The following MTHFD1 variants were observed in gnomAD, a reference collection of about 807,000 sequenced individuals.
MTHFD1 encodes the protein methylenetetrahydrofolate dehydrogenase, cyclohydrolase and formyltetrahydrofolate synthetase 1, also known as C-1-tetrahydrofolate synthase, cytoplasmic.
MTHFD1 carries 44 observed loss-of-function variants against 110.3 expected under a neutral mutation model. The ratio of observed to expected loss-of-function variants is 0.40; its 90% confidence interval spans 0.31 to 0.51. MTHFD1 has a LOEUF of 0.51. Among genes scored for constraint, MTHFD1 ranks in the 20% least tolerant of loss-of-function variants. MTHFD1 has a pLI of 0.60. For missense variants in MTHFD1, 909 were observed against 1,173.1 expected (o/e 0.77, Z 3.29); for synonymous variants, 402 against 428.8 (o/e 0.94, Z 0.77).
chr14:64,403,987 G>T (rs1418972743), intron 2 of MTHFD1, among the ~76,000 whole-genome samples: 1 of 152,184 alleles, frequency 6.6e-6, no homozygotes, highest in Non-Finnish European at 1.5e-5. Flanking sequence ...CTTGATTTGT[G>T]CTGGTTCACT....
intron 12 of MTHFD1, among the ~76,000 whole-genome samples, chr14:64,429,568 C>T (rs143594482): frequency 3.4e-4 from 52 of 152,162 alleles, no homozygotes; most frequent in African/African-American, 1.1e-3. Context: ...AGTGCTGACA[C>T]GATGCTCAAA....
chr14:64,390,056 T>C (rs925989758), intron 1 of MTHFD1, among the ~76,000 whole-genome samples: 11 of 152,226 alleles, frequency 7.2e-5, no homozygotes, highest in African/African-American at 2.7e-4. Context: ...CTTATTTTTG[T>C]CTATATCCTA....
intron 9 of MTHFD1, among the ~76,000 whole-genome samples, chr14:64,425,428 C>G (rs2078111176): frequency 6.6e-6 from 1 of 152,070 alleles, no homozygotes; most frequent in Admixed American, 6.6e-5. Flanking sequence ...TTAGGCTGGT[C>G]TGGAACTCCC....
At chr14:64,419,766 T>C in intron 7 of MTHFD1, 48 bp from the exon 8 acceptor site, 1 of 1,242,938 alleles carries the variant, frequency 8.0e-7, no homozygotes, top group Non-Finnish European at 1.2e-6. Flanking sequence ...TTTTTTTTGG[T>C]GTGTATTTCA....
intron 22 of MTHFD1, 103 bp from the exon 23 acceptor site, chr14:64,448,114 A>T: frequency 1.2e-6 from 1 of 807,576 alleles, no homozygotes; most frequent in Non-Finnish European, 2.1e-6. Context: ...TTGTCCTGAT[A>T]GTGAGTGGCT....
intron 8 of MTHFD1, among the ~76,000 whole-genome samples, chr14:64,420,280 T>C (rs560079910): frequency 5.8e-4 from 88 of 152,252 alleles, no homozygotes; most frequent in Non-Finnish European, 9.0e-4. Context: ...AGTATAATTA[T>C]TGCAAAGTGC....
At position 64,442,275 on chromosome 14, in the gene MTHFD1, G is replaced by C; in HGVS notation, c.2009G>C (p.Gly670Ala). The part of the protein sequence containing the change: ...GPEGFVVTEA[G>A]FGADIGMEKF... ...TTCCTCTTTACAGTGACGGAAGCAG[G>C]ATTTGGAGCAGACATTGGAATGGAA... is the stretch of plus-strand genomic sequence containing the variant. Residue 670 changes from glycine (G) to alanine (A), a missense_variant, in exon 21 of 28, where the codon GGA becomes GCA. Gly to Ala is a moderately conservative substitution (Grantham distance 60, BLOSUM62 0). Coordinates refer to ENST00000652337, the MANE Select transcript of MTHFD1 (RefSeq NM_005956.4). 1 of 1,614,256 alleles carries C rather than the reference G, an allele frequency of 6.2e-7. No individual in the cohort carries two copies. Among genetic ancestry groups the C allele is most frequent in the Non-Finnish European group, 8.5e-7 (1 of 1,180,046 alleles).
intron 1 of MTHFD1, chr14:64,390,545 G>A (rs11158537): frequency 0.21 from 32,365 of 151,980 alleles, 3,865 homozygotes; most frequent in African/African-American, 0.33. Flanking sequence ...GTACAATGGC[G>A]TGATCTCGGC....
In MTHFD1 at chr14:64,447,149, C is replaced by CTTTTTT. The variant is rs35824559; in HGVS notation, c.2179-1048_2179-1043dup. Among the ~76,000 whole-genome samples, 20 of 56,234 alleles carry CTTTTTT rather than the reference C, an allele frequency of 3.6e-4. 1 individual carries two copies. The highest frequency in any genetic ancestry group is 8.8e-4 in the Admixed American group (3 of 3,414). The allele number at this position is 56,234 out of a possible 152,430, so 36.9% of individuals were successfully genotyped here. A position where few individuals can be genotyped will look rare whatever the true frequency, so the allele number is the denominator to read the frequency against. On this transcript the variant is annotated intron_variant, in intron 22 of 27. Transcript: ENST00000652337. ...GTGAGCTACCACATCCAGCTCAGTT[C>CTTTTTT]TTTTTTTTTTTTTTTTTTTTTTTTT...
At chr14:64,412,697 A>G (rs1483439987) in intron 4 of MTHFD1, among the ~76,000 whole-genome samples, 172 bp downstream of exon 4, 2 of 139,258 alleles carry the variant, frequency 1.4e-5, no homozygotes, top group East Asian at 4.2e-4. Flanking sequence ...GAGAGCAATG[A>G]TGCGATCTCG....
intron 16 of MTHFD1, 140 bp from the exon 17 acceptor site, chr14:64,438,956 A>G (rs2078227275): frequency 7.0e-6 from 5 of 718,438 alleles, no homozygotes; most frequent in South Asian, 6.0e-5. Flanking sequence ...ACTTTAACAC[A>G]TATTCTAGCT....
rs746681217 is a variant in MTHFD1, at chr14:64,441,411, T to A, written c.1842T>A (p.Leu614=). 1 of 1,614,052 alleles carries A rather than the reference T, an allele frequency of 6.2e-7. No individual in the cohort carries two copies. Among genetic ancestry groups the A allele is most frequent in the Non-Finnish European group, 8.5e-7 (1 of 1,179,942 alleles). ...DLGVSGALTV[L]MKDAIKPNLM... is the part of the protein sequence containing the mutation. ...GGGTGAGTGGTGCACTGACAGTGCT[T>A]ATGAAGGACGCAATCAAGCCCAATC... Residue 614 remains leucine, a synonymous_variant, in exon 19 of 28, where the codon CTT becomes CTA. Coordinates refer to ENST00000652337, the MANE Select transcript of MTHFD1 (RefSeq NM_005956.4).
chr14:64,440,487 C>T, intron 18 of MTHFD1: 1 of 607,200 alleles, frequency 1.6e-6, no homozygotes, highest in Non-Finnish European at 3.0e-6. Flanking sequence ...TCACAAGTTC[C>T]AGATGATTTG....
At chr14:64,421,099 G>C (rs1437271597) in intron 8 of MTHFD1, among the ~76,000 whole-genome samples, 1 of 152,112 alleles carries the variant, frequency 6.6e-6, no homozygotes, top group Non-Finnish European at 1.5e-5. Context: ...TCTCCTCTCT[G>C]TCATGTCTGT....
intron 9 of MTHFD1, 70 bp from the exon 10 acceptor site, chr14:64,425,660 G>A (rs1360086691): frequency 1.6e-6 from 2 of 1,263,174 alleles, no homozygotes; most frequent in African/African-American, 1.5e-5. Flanking sequence ...GGAGTGACCT[G>A]GAGCTTGAAA....
chr14:64,422,086 C>T lies in MTHFD1; in HGVS notation c.727+2161C>T, dbSNP rs138273858. Among the ~76,000 whole-genome samples the T allele has an allele frequency of 1.7e-3, 252 of 152,194 alleles. 2 individuals are homozygous for T. Among genetic ancestry groups the T allele is most frequent in the African/African-American group, 5.7e-3 (235 of 41,544 alleles). ...TGACTTAAACATGAAACTTGCCATC[C>T]TTTTCACATTGATTCCTTATGTAGA... On this transcript the variant is annotated intron_variant, in intron 8 of 27. Coordinates refer to ENST00000652337, the MANE Select transcript of MTHFD1 (RefSeq NM_005956.4).
intron 5 of MTHFD1, 60 bp downstream of exon 5, chr14:64,415,554 T>C: frequency 6.2e-7 from 1 of 1,613,528 alleles, no homozygotes; most frequent in South Asian, 1.1e-5. Context: ...TATGTTTCTA[T>C]TTGGGGAATA....
At chr14:64,450,926 G>A (rs938930184) in intron 24 of MTHFD1, among the ~76,000 whole-genome samples, 1 of 152,114 alleles carries the variant, frequency 6.6e-6, no homozygotes, top group Non-Finnish European at 1.5e-5. Flanking sequence ...CCAGCACTTT[G>A]GGAGGCCGAG....
intron 1 of MTHFD1, among the ~76,000 whole-genome samples, chr14:64,396,452 C>T (rs1351117291): frequency 3.5e-5 from 5 of 140,944 alleles, no homozygotes; most frequent in Non-Finnish European, 7.5e-5. Flanking sequence ...AGTGCAATGG[C>T]GCGATCTCGG....
Sources: allele counts gnomAD v4.1 joint callset (sites outside exome capture counted in the v4.1 genomes callset), GRCh38; gene constraint gnomAD v4.1.1; transcripts MANE v1.5; gene names NCBI Gene and HGNC (gene_info 2026-07-23, HGNC 2026-07-21).